Variants in PIK3AP1 observed in about 807,000 individuals in gnomAD.
The protein encoded by PIK3AP1 is phosphoinositide 3-kinase adapter protein 1.
PIK3AP1 carries 21 observed loss-of-function variants against 88.1 expected under a neutral mutation model. The ratio of observed to expected loss-of-function variants is 0.24; its 90% CI spans 0.17 to 0.34. PIK3AP1 has a LOEUF of 0.34. Ranked by LOEUF, PIK3AP1 falls within the 10% of genes least tolerant of loss-of-function variation. PIK3AP1 has a pLI of 1.00. For missense variants in PIK3AP1, 828 were observed against 1,035.7 expected (o/e 0.80, Z 2.75); for synonymous variants, 398 against 400.0 (o/e 1.00, Z 0.06).
intron 2 of PIK3AP1, among the ~76,000 whole-genome samples, chr10:96,676,830 A>C (rs1433383552): frequency 3.3e-5 from 5 of 152,252 alleles, no homozygotes; most frequent in African/African-American, 1.2e-4. Context: ...GGGAGTTTTA[A>C]GTTTCCGTAT....
chr10:96,668,974 A>G (rs778357788), intron 2 of PIK3AP1, among the ~76,000 whole-genome samples: 20 of 152,140 alleles, frequency 1.3e-4, no homozygotes, highest in Admixed American at 1.3e-3. Flanking sequence ...TACTAAAAAT[A>G]TACAAAAATT....
At chr10:96,702,279 T>C (rs989822247) in intron 2 of PIK3AP1, among the ~76,000 whole-genome samples, 1 of 151,992 alleles carries the variant, frequency 6.6e-6, no homozygotes, top group East Asian at 1.9e-4. Context: ...GGCGGGAGGA[T>C]CATGAGGTCA....
At chr10:96,632,907 C>T in intron 8 of PIK3AP1, 1 of 1,612,602 alleles carries the variant, frequency 6.2e-7, no homozygotes, top group Non-Finnish European at 8.5e-7. Context: ...CTGGGACATG[C>T]TTGGCACCAG....
chr10:96,702,647 C>CACAA (rs1294627147), intron 2 of PIK3AP1, among the ~76,000 whole-genome samples: 1 of 150,606 alleles, frequency 6.6e-6, no homozygotes, highest in Non-Finnish European at 1.5e-5. Context: ...CACACACACA[C>CACAA]AATGGTAACT....
intron 8 of PIK3AP1, among the ~76,000 whole-genome samples, chr10:96,629,930 A>AAAAAG (rs776780994): frequency 7.3e-5 from 1 of 13,726 alleles, no homozygotes; most frequent in Non-Finnish European, 1.6e-4. Context: ...AAAAAAAAAA[A>AAAAAG]AAGAAGAAGA....
intron 2 of PIK3AP1, among the ~76,000 whole-genome samples, chr10:96,699,132 C>T (rs1047656653): frequency 3.3e-5 from 5 of 150,926 alleles, no homozygotes; most frequent in East Asian, 2.0e-4. Flanking sequence ...TGCAGTCAGC[C>T]GAGATGGTGC....
At chr10:96,656,535 T>A (rs1277745972) in intron 3 of PIK3AP1, among the ~76,000 whole-genome samples, 1 of 152,170 alleles carries the variant, frequency 6.6e-6, no homozygotes, top group Non-Finnish European at 1.5e-5. Flanking sequence ...GCTGGTCTCC[T>A]AGGTGCTCTA....
chr10:96,646,581 G>A (rs1440427021), intron 7 of PIK3AP1, among the ~76,000 whole-genome samples: 1 of 152,032 alleles, frequency 6.6e-6, no homozygotes. Context: ...AGGTGTTCTC[G>A]CCCTGTGTGT....
At chr10:96,682,117 C>T (rs538282631) in intron 2 of PIK3AP1, among the ~76,000 whole-genome samples, 10 of 151,894 alleles carry the variant, frequency 6.6e-5, no homozygotes, top group Admixed American at 2.0e-4. Context: ...AGTAAGATTT[C>T]GATAAACAAA....
intron 7 of PIK3AP1, among the ~76,000 whole-genome samples, chr10:96,647,071 C>A (rs1372722026): frequency 1.3e-5 from 2 of 152,182 alleles, no homozygotes; most frequent in Non-Finnish European, 2.9e-5. Context: ...TCTAAGAGGC[C>A]ATAAGCAACA....
intron 2 of PIK3AP1, among the ~76,000 whole-genome samples, chr10:96,659,984 T>TA (rs1433210737): frequency 6.6e-6 from 1 of 151,980 alleles, no homozygotes; most frequent in African/African-American, 2.4e-5. Flanking sequence ...AGTAAAGTTT[T>TA]AAAAAATAAT....
At chr10:96,648,584 TA>T in intron 7 of PIK3AP1, 74 bp downstream of exon 7, 1 of 1,444,832 alleles carries the variant, frequency 6.9e-7, no homozygotes, top group Non-Finnish European at 9.3e-7. Flanking sequence ...AATCTGTTCG[TA>T]TTTTGGGTGA....
At chr10:96,607,979 A>G (rs1377625523) in intron 14 of PIK3AP1, among the ~76,000 whole-genome samples, 2 of 152,210 alleles carry the variant, frequency 1.3e-5, no homozygotes, top group Non-Finnish European at 1.5e-5. Flanking sequence ...TACAGCCACA[A>G]AGTAGAGTAA....
At position 96,651,657 on chromosome 10, in the gene PIK3AP1, C is replaced by G; in HGVS notation, c.713-6G>C. 5 of 1,612,848 alleles carry G rather than the reference C, an allele frequency of 3.1e-6. No homozygotes were observed. The highest frequency in any genetic ancestry group is 4.2e-6 in the Non-Finnish European group (5 of 1,179,674). ...AACGTTCCCAGATGAAAGGTCTGAACAGAAGAAAAGACACTATCAAAATTC... is the reference window on the plus strand; with the variant it reads ...AACGTTCCCAGATGAAAGGTCTGAAGAGAAGAAAAGACACTATCAAAATTC... On this transcript the variant is annotated splice_region_variant and splice_polypyrimidine_tract_variant and intron_variant, in intron 4 of 16. Coordinates refer to ENST00000339364, the MANE Select transcript of PIK3AP1 (RefSeq NM_152309.3).
At chr10:96,629,688 C>G (rs1293431164) in intron 8 of PIK3AP1, among the ~76,000 whole-genome samples, 32 of 119,394 alleles carry the variant, frequency 2.7e-4, no homozygotes, top group Admixed American at 8.9e-4. Context: ...GTCCAGCCTA[C>G]GCAACACAGT....
chr10:96,616,536 T>G, intron 13 of PIK3AP1, 103 bp downstream of exon 13: 7 of 1,204,288 alleles, frequency 5.8e-6, no homozygotes, highest in Admixed American at 5.2e-5. Context: ...TGACGAGTGC[T>G]GGGCAAGTGG....
At chr10:96,645,171 C>A (rs72819000) in intron 8 of PIK3AP1, among the ~76,000 whole-genome samples, 22,931 of 152,176 alleles carry the variant, frequency 0.15, 1,939 homozygotes, top group Admixed American at 0.24. Flanking sequence ...AAAAGGACCC[C>A]TGGAGACTGA....
At chr10:96,613,161 G>C (rs1849157321) in intron 13 of PIK3AP1, among the ~76,000 whole-genome samples, 1 of 151,346 alleles carries the variant, frequency 6.6e-6, no homozygotes, top group Non-Finnish European at 1.5e-5. Context: ...ACCACACCCA[G>C]CTAATTTTTG....
At chr10:96,632,393 A>T (rs758448777) in intron 8 of PIK3AP1, among the ~76,000 whole-genome samples, 3 of 148,992 alleles carry the variant, frequency 2.0e-5, no homozygotes, top group Middle Eastern at 3.4e-3. Flanking sequence ...TCTCTCTAAA[A>T]GTATTTCAAA....
Sources: gnomAD v4.1 joint callset for allele counts (sites outside exome capture counted in the v4.1 genomes callset) on GRCh38, gnomAD v4.1.1 for gene constraint, MANE v1.5 for transcripts, NCBI Gene and HGNC (gene_info 2026-07-23, HGNC 2026-07-21) for gene names.